Variants in TANC2 observed in about 807,000 individuals in gnomAD.
TANC2 encodes the protein tetratricopeptide repeat, ankyrin repeat and coiled-coil containing 2, also known as protein TANC2.
In TANC2, 26 loss-of-function variants were observed where a neutral mutation model predicts 210.5. The observed-to-expected ratio is 0.12, with a 90% CI of 0.09 to 0.17. The LOEUF is 0.17. Ranked by LOEUF, TANC2 falls within the 10% of genes least tolerant of loss-of-function variation. The pLI, the probability that TANC2 is intolerant of heterozygous loss-of-function variation, is 1.00. For missense variants in TANC2, 2,129 were observed against 2,608.9 expected, an observed-to-expected ratio of 0.82 and a Z score of 4.01; for synonymous variants, 931 against 967.1, an observed-to-expected ratio of 0.96 and a Z score of 0.69.
chr17:63,310,994 C>T lies in TANC2; in HGVS notation c.1160-3394C>T, dbSNP rs889932650. Reference sequence around the variant, plus strand: ...TGTATTGTACCACTGCTTGTAGTACCGCTTTTCGTGAGAGGAACTAGAGCA... The same window carrying T: ...TGTATTGTACCACTGCTTGTAGTACTGCTTTTCGTGAGAGGAACTAGAGCA... On this transcript the variant is annotated intron_variant, in intron 9 of 27. Coordinates refer to ENST00000689528, the Ensembl canonical transcript of TANC2. 4.6e-5 allele frequency among the ~76,000 whole-genome samples: 7 copies of T among 152,132 alleles called. No individual in the cohort carries two copies. The East Asian group carries it at 5.8e-4, about 13-fold the overall frequency.
intron 4 of TANC2, chr17:63,116,978 C>T (rs919563914): frequency 3.9e-5 from 6 of 152,142 alleles, no homozygotes; most frequent in African/African-American, 1.4e-4. Context: ...TTCAGAAAAT[C>T]AGAAGAGCAA....
chr17:63,423,823 C>T (rs1025122394), exon 28 of TANC2: 8 of 152,358 alleles, frequency 5.3e-5, no homozygotes, highest in African/African-American at 1.7e-4. Flanking sequence ...CTCCCTGATA[C>T]CTAAGGACTG....
intron 15 of TANC2, among the ~76,000 whole-genome samples, chr17:63,385,655 C>T (rs1180351778): frequency 6.6e-6 from 1 of 152,222 alleles, no homozygotes; most frequent in African/African-American, 2.4e-5. Context: ...AGAAGCTGCC[C>T]TTACCCACCT....
chr17:62,992,139 G>A (rs4968748), intron 1 of TANC2, among the ~76,000 whole-genome samples: 41,199 of 152,064 alleles, frequency 0.27, 6,062 homozygotes, highest in South Asian at 0.38. Flanking sequence ...ATCATTTTAC[G>A]TAATAGACTT....
intron 1 of TANC2, among the ~76,000 whole-genome samples, chr17:63,004,334 G>A (rs2033516270): frequency 6.6e-6 from 1 of 152,148 alleles, no homozygotes; most frequent in Non-Finnish European, 1.5e-5. Flanking sequence ...AGTTAAGTCT[G>A]TGCTGAAGGT....
At position 63,165,243 on chromosome 17, in the gene TANC2, C is replaced by T. The variant is rs1366686630; in HGVS notation, c.433+13863C>T. Among the ~76,000 whole-genome samples, 6 of 151,888 alleles carry T rather than the reference C, an allele frequency of 4.0e-5. No homozygotes were observed. The East Asian group carries it at 9.6e-4, about 24-fold the overall frequency. Reference sequence around the variant, plus strand: ...GAGCTATGGTAGCACCACTGCACTCCAGCCTGGGCTGTAACAGAGTGAGAC... The same window carrying T: ...GAGCTATGGTAGCACCACTGCACTCTAGCCTGGGCTGTAACAGAGTGAGAC... On this transcript the variant is annotated intron_variant, in intron 5 of 27. Transcript: ENST00000689528.
intron 14 of TANC2, among the ~76,000 whole-genome samples, chr17:63,371,810 T>G (rs1295071566): frequency 1.3e-5 from 2 of 151,830 alleles, no homozygotes; most frequent in Non-Finnish European, 1.5e-5. Context: ...TTAGAAAGGG[T>G]TTTTCTCTAA....
chr17:63,009,017 A>G (rs968578976), intron 1 of TANC2, among the ~76,000 whole-genome samples: 3 of 152,134 alleles, frequency 2.0e-5, no homozygotes, highest in Non-Finnish European at 4.4e-5. Flanking sequence ...AAAGTATTGT[A>G]TTCTTTTAAG....
chr17:63,026,091 CCTT>C (rs1339032691), intron 2 of TANC2, among the ~76,000 whole-genome samples: 4 of 152,172 alleles, frequency 2.6e-5, no homozygotes, highest in African/African-American at 7.2e-5. Context: ...TCAGAAATCA[CCTT>C]CTCGGTGAAG....
chr17:63,199,203 T>C (rs1013842904), intron 6 of TANC2, among the ~76,000 whole-genome samples: 3 of 152,204 alleles, frequency 2.0e-5, no homozygotes, highest in African/African-American at 7.2e-5. Context: ...AGAAAGAGTA[T>C]GAATAGAGAC....
At position 63,388,800 on chromosome 17, in the gene TANC2, A is replaced by G. The variant is rs369556495; in HGVS notation, c.2814+43A>G. 5 of 1,414,658 alleles carry G rather than the reference A, an allele frequency of 3.5e-6. No individual in the cohort carries two copies. In the African/African-American group the frequency reaches 4.4e-5, roughly 12 times the overall value. The allele number at this position is 1,414,658 out of a possible 1,614,324, so 87.6% of individuals were successfully genotyped here. ...TTATAAATATGATAAGGAATTAACT[A>G]TGAAAAAATAAAACTAGAAGGACAT... On this transcript the variant is annotated intron_variant, in intron 16 of 27. Transcript: ENST00000689528.
At chr17:63,025,388 A>G (rs1292511595) in intron 2 of TANC2, among the ~76,000 whole-genome samples, 1 of 152,190 alleles carries the variant, frequency 6.6e-6, no homozygotes, top group Non-Finnish European at 1.5e-5. Flanking sequence ...ATCTTTGGGT[A>G]GAATCTTTGG....
At chr17:63,219,346 A>G (rs1199570303) in intron 7 of TANC2, among the ~76,000 whole-genome samples, 1 of 152,170 alleles carries the variant, frequency 6.6e-6, no homozygotes, top group Non-Finnish European at 1.5e-5. Flanking sequence ...TAACATCCAG[A>G]TATGTAACAT....
chr17:63,093,360 T>G (rs2037274480), intron 3 of TANC2, among the ~76,000 whole-genome samples: 2 of 152,166 alleles, frequency 1.3e-5, no homozygotes, highest in Admixed American at 6.5e-5. Flanking sequence ...ACAAAATTAT[T>G]TGTTGAAAAT....
At chr17:63,079,597 G>A (rs1158844472) in intron 3 of TANC2, among the ~76,000 whole-genome samples, 1 of 152,204 alleles carries the variant, frequency 6.6e-6, no homozygotes, top group East Asian at 1.9e-4. Context: ...CAGGACAGAT[G>A]CTAGTTCATT....
intron 17 of TANC2, among the ~76,000 whole-genome samples, chr17:63,395,504 A>G (rs2048125044): frequency 6.6e-6 from 1 of 151,168 alleles, no homozygotes; most frequent in Non-Finnish European, 1.5e-5. Flanking sequence ...CTTGGAATGC[A>G]AAAAAAAAGT....
chr17:63,384,868 G>C (rs1339235925), intron 15 of TANC2, among the ~76,000 whole-genome samples: 1 of 152,172 alleles, frequency 6.6e-6, no homozygotes, highest in African/African-American at 2.4e-5. Flanking sequence ...GCAATCAGCT[G>C]TTTTGTCTGT....
intron 4 of TANC2, among the ~76,000 whole-genome samples, chr17:63,122,723 CTG>C (rs1329861663): frequency 6.6e-6 from 1 of 152,016 alleles, no homozygotes; most frequent in Non-Finnish European, 1.5e-5. Flanking sequence ...CAGAGTGAGA[CTG>C]TATCTCAAAA....
intron 15 of TANC2, among the ~76,000 whole-genome samples, chr17:63,382,910 G>C (rs1158474310): frequency 6.6e-6 from 1 of 152,130 alleles, no homozygotes; most frequent in African/African-American, 2.4e-5. Flanking sequence ...CTCTATAGAT[G>C]TAGGTCAGTG....
Sources: allele counts gnomAD v4.1 joint callset (sites outside exome capture counted in the v4.1 genomes callset), GRCh38; gene constraint gnomAD v4.1.1; transcripts MANE v1.5; gene names NCBI Gene and HGNC (gene_info 2026-07-23, HGNC 2026-07-21).